The following SPAG1 variants were observed in gnomAD, a reference collection of about 807,000 sequenced individuals.
SPAG1 encodes the protein sperm-associated antigen 1.
SPAG1 carries 69 observed loss-of-function variants against 100.5 expected under a neutral mutation model. The observed-to-expected ratio is 0.69, with a 90% CI of 0.57 to 0.84. The LOEUF (loss-of-function observed/expected upper bound fraction) is 0.84, where lower values mean the gene tolerates loss of function less well. Among genes scored for constraint, SPAG1 ranks in the 40% least tolerant of loss-of-function variants. SPAG1 has a pLI of 0.00. For missense variants in SPAG1, 955 were observed against 1,133.1 expected, an observed-to-expected ratio of 0.84 and a Z score of 2.26; for synonymous variants, 336 against 411.6, an observed-to-expected ratio of 0.82 and a Z score of 2.22.
intron 10 of SPAG1, among the ~76,000 whole-genome samples, chr8:100,197,505 A>G (rs2132300051): frequency 6.6e-6 from 1 of 152,364 alleles, no homozygotes; most frequent in East Asian, 1.9e-4. Flanking sequence ...ATTGTTTGAT[A>G]GAGTGTGAAA....
intron 10 of SPAG1, 148 bp downstream of exon 10, chr8:100,194,416 T>C: frequency 8.9e-7 from 1 of 1,120,320 alleles, no homozygotes. Context: ...CGCTCATCTT[T>C]TTCTTAATAC....
intron 4 of SPAG1, among the ~76,000 whole-genome samples, chr8:100,182,284 T>G (rs868029254): frequency 6.6e-6 from 1 of 152,288 alleles, no homozygotes; most frequent in South Asian, 2.1e-4. Flanking sequence ...TCTTTAGCAG[T>G]GGGAATGTGG....
At chr8:100,219,506 T>C (rs1342672961) in intron 12 of SPAG1, among the ~76,000 whole-genome samples, 2 of 152,232 alleles carry the variant, frequency 1.3e-5, no homozygotes, top group Non-Finnish European at 2.9e-5. Context: ...AACCAAAGGC[T>C]CTGCGCTGCC....
At chr8:100,227,118 A>G (rs890391217) in intron 14 of SPAG1, among the ~76,000 whole-genome samples, 11 of 152,382 alleles carry the variant, frequency 7.2e-5, no homozygotes, top group African/African-American at 2.4e-4. Flanking sequence ...ATGTTTGCAC[A>G]ATAGCGAAAT....
At chr8:100,218,872 T>C (rs994168112) in intron 12 of SPAG1, among the ~76,000 whole-genome samples, 4 of 152,194 alleles carry the variant, frequency 2.6e-5, no homozygotes, top group Non-Finnish European at 4.4e-5. Flanking sequence ...TTGCAGTGTT[T>C]GTATGTGTAC....
intron 9 of SPAG1, among the ~76,000 whole-genome samples, chr8:100,192,718 T>C (rs999577109): frequency 2.0e-5 from 3 of 152,194 alleles, no homozygotes; most frequent in Non-Finnish European, 4.4e-5. Context: ...GTATTTCCTT[T>C]TTGTAATGGT....
chr8:100,187,153 TAACAA>T lies in SPAG1; in HGVS notation c.736_740del (p.Asn246SerfsTer13). 6.2e-7 allele frequency: 1 copy of T among 1,613,124 alleles called. No homozygotes were observed. Among genetic ancestry groups the T allele is most frequent in the Non-Finnish European group, 8.5e-7 (1 of 1,179,402 alleles). ...CAGCGCTTCCCACTGTAGTTGCCTA[TAACAA>T]TCGAGCTCAAGCAGAAATCAAATTA... On this transcript the variant is annotated frameshift_variant, in exon 8 of 19. Transcript: ENST00000388798. LOFTEE classifies it high-confidence loss of function.
Position 100,208,783 on chromosome 8 carries a change from G to C in SPAG1, c.1097-4307G>C, listed in dbSNP as rs540548358. On this transcript the variant is annotated intron_variant, in intron 10 of 18. Transcript: ENST00000388798. Reference sequence around the variant, plus strand: ...TATTATAGTATTTGGGTTGGGGATTGGTGCATTTCTGGTTGTACAAAGGAT... The same window carrying C: ...TATTATAGTATTTGGGTTGGGGATTCGTGCATTTCTGGTTGTACAAAGGAT... Among the ~76,000 whole-genome samples the C allele has an allele frequency of 3.3e-5, 5 of 152,238 alleles. No homozygotes were observed. The South Asian group carries it at 1.0e-3, about 32-fold the overall frequency.
intron 12 of SPAG1, among the ~76,000 whole-genome samples, chr8:100,217,529 A>G (rs1246913612): frequency 2.0e-5 from 3 of 152,122 alleles, no homozygotes; most frequent in Admixed American, 2.0e-4. Flanking sequence ...CAGCATCTCC[A>G]TGACTCTTTT....
Position 100,233,470 on chromosome 8 carries a change from C to A in SPAG1, c.2048C>A (p.Ala683Glu). The A allele has an allele frequency of 1.2e-6, 2 of 1,614,000 alleles. No homozygotes were observed. Among genetic ancestry groups the A allele is most frequent in the Non-Finnish European group, 8.5e-7 (1 of 1,179,894 alleles). ...FEEAKQDCDQ[A>E]LQLADGNVKA... ...GAAGCAAAGCAGGACTGTGATCAGG[C>A]ACTTCAGCTAGCTGATGGGAACGTG... Residue 683 changes from alanine to glutamate, a missense_variant, in exon 16 of 19, where the codon GCA becomes GAA. Transcript: ENST00000388798.
At position 100,194,269 on chromosome 8, in the gene SPAG1, G is replaced by A; in HGVS notation, c.1096+1G>A. The stretch of plus-strand genomic sequence containing the variant: ...CATGAAGATGGCGGTGGAGATAAGA[G>A]TAAAATATTTTTTCTATTTAGGTTA... On this transcript the variant is annotated splice_donor_variant, in intron 10 of 18. Transcript: ENST00000388798. LOFTEE classifies it high-confidence loss of function. 6.2e-7 allele frequency: 1 copy of A among 1,607,720 alleles called. No individual in the cohort carries two copies. Among genetic ancestry groups the A allele is most frequent in the Non-Finnish European group, 8.5e-7 (1 of 1,175,276 alleles).
chr8:100,177,974 C>A, intron 4 of SPAG1, 33 bp downstream of exon 4: 1 of 1,593,212 alleles, frequency 6.3e-7, no homozygotes, highest in Non-Finnish European at 8.6e-7. Context: ...TGGGTGGTAG[C>A]AGGAGAGGAT....
In SPAG1 at chr8:100,184,869, A is replaced by G. The variant is rs1018499397; in HGVS notation, c.701+136A>G. On this transcript the variant is annotated intron_variant, in intron 7 of 18. Coordinates refer to ENST00000388798, the MANE Select transcript of SPAG1 (RefSeq NM_003114.5). ...TGTACTTGTGATTTATCATATATTC[A>G]CTTGTGTTTCTCCTATTTTTTCAAT... The G allele has an allele frequency of 2.0e-5, 12 of 589,608 alleles. No homozygotes were observed. In the African/African-American group the frequency reaches 2.2e-4, roughly 11 times the overall value. 36.5% of individuals were successfully genotyped at this position (589,608 alleles called of 1,614,324 possible). A position where few individuals can be genotyped will look rare whatever the true frequency, so the allele number is the denominator to read the frequency against.
intron 4 of SPAG1, among the ~76,000 whole-genome samples, chr8:100,183,056 C>A (rs899516938): frequency 2.0e-5 from 3 of 152,110 alleles, no homozygotes; most frequent in African/African-American, 7.2e-5. Flanking sequence ...TCACTGCAAC[C>A]TCCACCTCCC....
At chr8:100,231,130 CTCT>C (rs1396212227) in intron 14 of SPAG1, 23 bp from the exon 15 acceptor site, 3 of 1,586,096 alleles carry the variant, frequency 1.9e-6, no homozygotes, top group Admixed American at 1.8e-5. Context: ...CAGATACTTC[CTCT>C]TCTTTGTTTT....
At chr8:100,164,379 T>C (rs138788012) in intron 2 of SPAG1, among the ~76,000 whole-genome samples, 1 of 152,356 alleles carries the variant, frequency 6.6e-6, no homozygotes, top group African/African-American at 2.4e-5. Flanking sequence ...GAAATTTATA[T>C]GATACATGAG....
At chr8:100,240,368 C>A in intron 17 of SPAG1, 35 bp from the exon 18 acceptor site, 1 of 1,546,806 alleles carries the variant, frequency 6.5e-7, no homozygotes, top group South Asian at 1.3e-5. Flanking sequence ...GATTGTGGTT[C>A]AGTGTCACAA....
chr8:100,221,917 G>A (rs1442393350), intron 13 of SPAG1, among the ~76,000 whole-genome samples: 1 of 152,238 alleles, frequency 6.6e-6, no homozygotes, highest in African/African-American at 2.4e-5. Flanking sequence ...CGTTCTCTTG[G>A]TAGTCACAGG....
At chr8:100,170,879 A>G (rs1815797863) in intron 3 of SPAG1, among the ~76,000 whole-genome samples, 1 of 151,466 alleles carries the variant, frequency 6.6e-6, no homozygotes, top group African/African-American at 2.4e-5. Context: ...AACTGGCTAG[A>G]ACCTCCAGTT....
Sources: allele counts gnomAD v4.1 joint callset (sites outside exome capture counted in the v4.1 genomes callset), GRCh38; gene constraint gnomAD v4.1.1; transcripts MANE v1.5; gene names NCBI Gene and HGNC (gene_info 2026-07-23, HGNC 2026-07-21).